SHLD2: variants seen among roughly 807,000 people sequenced by gnomAD.
SHLD2 encodes shieldin complex subunit 2, also known as RINN1-REV7-interacting novel NHEJ regulator 2.
SHLD2 carries 30 observed loss-of-function variants against 73.2 expected under a neutral mutation model. The observed-to-expected ratio is 0.41, with a 90% CI of 0.31 to 0.56. The LOEUF is 0.56. Among genes scored for constraint, SHLD2 ranks in the 20% least tolerant of loss-of-function variants. The probability of loss-of-function intolerance (pLI) is 0.28; values close to 1 mark genes in which losing one functional copy is unlikely to be tolerated. For missense variants in SHLD2, 745 were observed against 1,055.9 expected (o/e 0.71, Z 4.08); for synonymous variants, 285 against 370.1 (o/e 0.77, Z 2.64).
chr10:87,096,598 A>T (rs1046303433), intron 1 of SHLD2, among the ~76,000 whole-genome samples: 1 of 152,152 alleles, frequency 6.6e-6, no homozygotes, highest in South Asian at 2.1e-4. Context: ...TAAAGCTCTA[A>T]TGACAGTCAT....
At chr10:87,164,105 G>A (rs1239588073) in intron 4 of SHLD2, among the ~76,000 whole-genome samples, 4 of 151,840 alleles carry the variant, frequency 2.6e-5, no homozygotes, top group East Asian at 1.9e-4. Context: ...CTACAGGTAC[G>A]TGCCACCACG....
At position 87,152,458 on chromosome 10, in the gene SHLD2, A is replaced by G. The variant is rs578164480; in HGVS notation, c.1104A>G (p.Leu368=). 1.9e-6 allele frequency: 3 copies of G among 1,607,036 alleles called. No individual in the cohort carries two copies. The South Asian group carries it at 3.3e-5, about 18-fold the overall frequency. Residue 368 remains leucine, a synonymous_variant, in exon 3 of 10, where the codon CTA becomes CTG. Transcript: ENST00000298786. ...GCTCAGGAATACTGTGTTCCCAACT[A>G]AATACCTTCCACAAAAGTGCTATTA... ...LCSSGILCSQ[L]NTFHKSAIKR...
intron 9 of SHLD2, among the ~76,000 whole-genome samples, chr10:87,189,025 G>A (rs1848835281): frequency 7.3e-6 from 1 of 136,058 alleles, no homozygotes; most frequent in South Asian, 2.3e-4. Flanking sequence ...TTTTGAGATG[G>A]AGTTTTGCTC....
chr10:87,097,919 C>T (rs1396580448), intron 2 of SHLD2, among the ~76,000 whole-genome samples: 1 of 151,818 alleles, frequency 6.6e-6, no homozygotes, highest in African/African-American at 2.4e-5. Flanking sequence ...GCCACCATGC[C>T]AGGCTAATTT....
intron 2 of SHLD2, among the ~76,000 whole-genome samples, chr10:87,111,041 A>C (rs1328096940): frequency 6.6e-6 from 1 of 151,938 alleles, no homozygotes; most frequent in African/African-American, 2.4e-5. Context: ...ATGGGGTTTC[A>C]CCATATTGGC....
chr10:87,149,108 G>A (rs141000678), intron 2 of SHLD2, among the ~76,000 whole-genome samples: 2,030 of 151,760 alleles, frequency 0.013, 48 homozygotes, highest in African/African-American at 0.046. Flanking sequence ...GGCTGGTCTC[G>A]GACTCCTGAC....
intron 6 of SHLD2, among the ~76,000 whole-genome samples, chr10:87,173,002 A>G (rs776586699): frequency 3.3e-5 from 5 of 150,766 alleles, no homozygotes; most frequent in Non-Finnish European, 2.9e-5. Flanking sequence ...GCCTTCAAGC[A>G]TATATAAAAG....
intron 2 of SHLD2, among the ~76,000 whole-genome samples, chr10:87,116,776 A>G (rs562030299): frequency 6.6e-6 from 1 of 152,348 alleles, no homozygotes; most frequent in South Asian, 2.1e-4. Context: ...TCCTTCTCTC[A>G]GGGCTCAGCA....
chr10:87,125,060 G>T (rs1843899114), intron 2 of SHLD2, among the ~76,000 whole-genome samples: 1 of 152,146 alleles, frequency 6.6e-6, no homozygotes, highest in African/African-American at 2.4e-5. Flanking sequence ...TCATTACAAA[G>T]AAATTAAATT....
intron 6 of SHLD2, among the ~76,000 whole-genome samples, chr10:87,174,567 CAAA>C (rs5786765): frequency 3.5e-5 from 4 of 113,270 alleles, no homozygotes; most frequent in Admixed American, 1.7e-4. Context: ...GATTTTCCAC[CAAA>C]AAAAAAAAAA....
At chr10:87,132,845 T>C (rs1338230617) in intron 2 of SHLD2, among the ~76,000 whole-genome samples, 1 of 152,230 alleles carries the variant, frequency 6.6e-6, no homozygotes, top group Non-Finnish European at 1.5e-5. Context: ...GAATCCTATC[T>C]AATATTTGAG....
chr10:87,121,761 TC>T (rs1195439187), intron 2 of SHLD2, among the ~76,000 whole-genome samples: 10 of 133,166 alleles, frequency 7.5e-5, no homozygotes, highest in African/African-American at 3.0e-4. Context: ...TTTCTTTCTT[TC>T]TTTTTTTTTT....
At chr10:87,156,537 G>A (rs889312106) in intron 3 of SHLD2, among the ~76,000 whole-genome samples, 7 of 152,132 alleles carry the variant, frequency 4.6e-5, no homozygotes, top group African/African-American at 1.7e-4. Context: ...TTAACATTGG[G>A]AAACAACAGT....
intron 2 of SHLD2, among the ~76,000 whole-genome samples, chr10:87,105,898 G>T (rs1029582912): frequency 1.3e-5 from 2 of 152,230 alleles, no homozygotes; most frequent in African/African-American, 4.8e-5. Context: ...CCACGCCCTG[G>T]CTGTAAGGGA....
chr10:87,094,657 G>A (rs1475827549), upstream of SHLD2: 1 of 1,590,018 alleles, frequency 6.3e-7, no homozygotes, highest in Non-Finnish European at 8.6e-7. The surrounding 1 kb of genome is among the most constrained non-coding windows in gnomAD (Gnocchi z 6.6). Context: ...CGGGGCGGCG[G>A]CGGGCTGTCC....
At chr10:87,118,422 T>C (rs1422800126) in intron 2 of SHLD2, among the ~76,000 whole-genome samples, 25 of 151,924 alleles carry the variant, frequency 1.6e-4, no homozygotes, top group African/African-American at 5.6e-4. Context: ...TCTCTGTTGA[T>C]AATACTTAAA....
At chr10:87,105,371 A>G (rs1211875274) in intron 2 of SHLD2, among the ~76,000 whole-genome samples, 2 of 152,178 alleles carry the variant, frequency 1.3e-5, no homozygotes, top group African/African-American at 4.8e-5. Flanking sequence ...GGTGAAGCAT[A>G]TATGTGAGTA....
At chr10:87,145,581 T>C (rs1234654186) in intron 2 of SHLD2, among the ~76,000 whole-genome samples, 1 of 151,810 alleles carries the variant, frequency 6.6e-6, no homozygotes, top group East Asian at 1.9e-4. Flanking sequence ...CAGGGAGTTT[T>C]TTCACTCCCT....
chr10:87,162,712 A>T (rs1214600379), intron 4 of SHLD2, among the ~76,000 whole-genome samples: 1 of 152,122 alleles, frequency 6.6e-6, no homozygotes, highest in Non-Finnish European at 1.5e-5. Flanking sequence ...GTCAGTTTTC[A>T]AAAAAAGATA....
Sources: allele counts gnomAD v4.1 joint callset (sites outside exome capture counted in the v4.1 genomes callset), GRCh38; gene constraint gnomAD v4.1.1; non-coding constraint Gnocchi (gnomAD v3.1); transcripts MANE v1.5; gene names NCBI Gene and HGNC (gene_info 2026-07-23, HGNC 2026-07-21).